TRHDE: variants seen among roughly 807,000 people sequenced by gnomAD.
TRHDE encodes the protein thyrotropin-releasing hormone-degrading ectoenzyme.
Under a neutral mutation model 125.7 loss-of-function variants are expected in TRHDE, and 72 were observed. The ratio of observed to expected loss-of-function variants is 0.57; its 90% CI spans 0.47 to 0.70. The LOEUF (loss-of-function observed/expected upper bound fraction) is 0.70. Ranked by LOEUF, TRHDE falls within the 30% of genes least tolerant of loss-of-function variation. The pLI, the probability that TRHDE is intolerant of heterozygous loss-of-function variation, is 0.00. For synonymous variants in TRHDE, 509 were observed against 509.1 expected, an observed-to-expected ratio of 1.00 and a Z score of 0.00; for missense variants, 1,110 against 1,327.1, an observed-to-expected ratio of 0.84 and a Z score of 2.54.
chr12:72,187,362 CG>C (rs1877241110), intron 2 of TRHDE, among the ~76,000 whole-genome samples: 1 of 144,782 alleles, frequency 6.9e-6, no homozygotes, highest in African/African-American at 2.6e-5. Flanking sequence ...CACACACACA[CG>C]AAGTCTCTAT....
In TRHDE at chr12:72,272,499, C is replaced by A; in HGVS notation, c.-145C>A. 3.7e-6 allele frequency: 2 copies of A among 547,828 alleles called. No homozygotes were observed. The highest frequency in any genetic ancestry group is 3.3e-5 in the Admixed American group (1 of 30,478). The allele number at this position is 547,828 out of a possible 1,614,324, so 33.9% of individuals were successfully genotyped here. A position where few individuals can be genotyped will look rare whatever the true frequency, so the allele number is the denominator to read the frequency against. On this transcript the variant is annotated 5_prime_UTR_variant, in exon 1 of 19. Transcript: ENST00000261180. This position sits in a 1 kb window ranked among gnomAD's most constrained non-coding sequence, Gnocchi z 6.7. ...AAGCTGCCGTCGCTTGTGTCCAGAA[C>A]CCGTCTTAAAAGAACCCGGGCCAGC...
chr12:72,098,298 G>T (rs557699887), intron 1 of TRHDE, among the ~76,000 whole-genome samples: 1 of 152,148 alleles, frequency 6.6e-6, no homozygotes, highest in African/African-American at 2.4e-5. Flanking sequence ...GAGAGAGCTC[G>T]TGTAGTTTTT....
chr12:72,475,130 A>T (rs2135904992), intron 5 of TRHDE, among the ~76,000 whole-genome samples: 1 of 152,298 alleles, frequency 6.6e-6, no homozygotes, highest in South Asian at 2.1e-4. Flanking sequence ...TCAGCAATAC[A>T]ACATTATATT....
intron 3 of TRHDE, among the ~76,000 whole-genome samples, chr12:72,394,511 C>T (rs886724644): frequency 6.6e-6 from 1 of 152,132 alleles, no homozygotes; most frequent in East Asian, 1.9e-4. Flanking sequence ...GTGCACATTC[C>T]TTAATCTGAT....
chr12:72,547,470 G>A (rs1456762777), intron 7 of TRHDE, among the ~76,000 whole-genome samples: 1 of 151,670 alleles, frequency 6.6e-6, no homozygotes, highest in Non-Finnish European at 1.5e-5. Context: ...TTTCTAAAGT[G>A]ATTACTCATA....
intron 10 of TRHDE, among the ~76,000 whole-genome samples, chr12:72,574,394 G>C (rs1870891337): frequency 6.6e-6 from 1 of 151,922 alleles, no homozygotes; most frequent in Non-Finnish European, 1.5e-5. Context: ...CTGTGCGTAT[G>C]TGTATACATT....
At chr12:72,383,995 A>G (rs1872306411) in intron 3 of TRHDE, among the ~76,000 whole-genome samples, 1 of 152,166 alleles carries the variant, frequency 6.6e-6, no homozygotes, top group Non-Finnish European at 1.5e-5. Context: ...TGGTCTTTGT[A>G]GAAAATTTGA....
At chr12:72,476,570 C>T (rs886963177) in intron 5 of TRHDE, among the ~76,000 whole-genome samples, 2 of 152,136 alleles carry the variant, frequency 1.3e-5, no homozygotes, top group East Asian at 1.9e-4. Flanking sequence ...AGGTTCACTA[C>T]ACCTGAGCCT....
chr12:72,160,373 C>A lies in TRHDE; in HGVS notation n.279+54621C>A, dbSNP rs1186417397. ...TTGAATCAGAATCTCTGGGATAAAA[C>A]CCATCAATCTATATTTTAAAAGGAC... On this transcript the variant is annotated intron_variant and non_coding_transcript_variant, in intron 2 of 4. Coordinates refer to the TRHDE transcript ENST00000548156. 2.0e-5 allele frequency among the ~76,000 whole-genome samples: 3 copies of A among 152,084 alleles called. No homozygotes were observed. In the East Asian group the frequency reaches 5.8e-4, roughly 29 times the overall value.
At chr12:72,195,934 T>G (rs1877432618) in intron 2 of TRHDE, among the ~76,000 whole-genome samples, 1 of 152,208 alleles carries the variant, frequency 6.6e-6, no homozygotes, top group South Asian at 2.1e-4. Flanking sequence ...AGTTTCGTTC[T>G]TCTGCATATG....
intron 2 of TRHDE, among the ~76,000 whole-genome samples, chr12:72,338,270 G>A (rs968370709): frequency 2.6e-5 from 4 of 152,132 alleles, no homozygotes; most frequent in Admixed American, 6.5e-5. Context: ...AACTAAGGAC[G>A]GTAGTGATGA....
At chr12:72,368,493 G>T (rs899040007) in intron 2 of TRHDE, among the ~76,000 whole-genome samples, 1 of 151,900 alleles carries the variant, frequency 6.6e-6, no homozygotes, top group Non-Finnish European at 1.5e-5. Context: ...ACCTTGTTCC[G>T]CTGAGTCACC....
intron 2 of TRHDE, chr12:72,254,933 G>A (rs1034925473): frequency 2.0e-5 from 3 of 152,004 alleles, no homozygotes; most frequent in Admixed American, 2.0e-4. Context: ...TTACAGAAAG[G>A]CTCCTGGAAA....
At chr12:72,430,164 G>GTTT (rs890195798) in intron 3 of TRHDE, among the ~76,000 whole-genome samples, 5 of 149,592 alleles carry the variant, frequency 3.3e-5, no homozygotes, top group Admixed American at 6.7e-5. Flanking sequence ...TTTATTACTA[G>GTTT]TTGTTTTGGT....
intron 3 of TRHDE, among the ~76,000 whole-genome samples, chr12:72,402,292 AT>A (rs1367436822): frequency 6.6e-6 from 1 of 152,058 alleles, no homozygotes; most frequent in Non-Finnish European, 1.5e-5. Flanking sequence ...CAAAAAAAAA[AT>A]CTCATAATGT....
At chr12:72,567,719 G>A (rs143386436) in intron 9 of TRHDE, among the ~76,000 whole-genome samples, 20 of 151,976 alleles carry the variant, frequency 1.3e-4, no homozygotes, top group East Asian at 1.9e-4. Flanking sequence ...TATTGATAAC[G>A]GTGAAATGAT....
intron 6 of TRHDE, among the ~76,000 whole-genome samples, chr12:72,518,232 G>C (rs889465900): frequency 1.4e-5 from 2 of 147,554 alleles, no homozygotes; most frequent in African/African-American, 5.2e-5. Flanking sequence ...TCTGTCTAAT[G>C]TTGACAGTGG....
At chr12:72,494,782 A>G (rs899077044) in intron 5 of TRHDE, among the ~76,000 whole-genome samples, 4 of 152,046 alleles carry the variant, frequency 2.6e-5, no homozygotes, top group African/African-American at 4.8e-5. Context: ...CTGAATACCA[A>G]TATATGAAAT....
intron 2 of TRHDE, among the ~76,000 whole-genome samples, chr12:72,266,571 A>C (rs778879367): frequency 4.6e-5 from 7 of 151,374 alleles, no homozygotes; most frequent in Non-Finnish European, 1.0e-4. Context: ...AACACGTAGC[A>C]CTTACCATGT....
Sources: gnomAD v4.1 joint callset for allele counts (sites outside exome capture counted in the v4.1 genomes callset) on GRCh38, gnomAD v4.1.1 for gene constraint, Gnocchi (gnomAD v3.1) non-coding constraint, MANE v1.5 for transcripts, NCBI Gene and HGNC (gene_info 2026-07-23, HGNC 2026-07-21) for gene names.